TIAM1: variants seen among roughly 807,000 people sequenced by gnomAD.
TIAM1 encodes TIAM Rac1 associated GEF 1.
TIAM1 carries 65 observed loss-of-function variants against 163.5 expected under a neutral mutation model. The observed-to-expected ratio is 0.40, with a 90% confidence interval of 0.33 to 0.49. The LOEUF (loss-of-function observed/expected upper bound fraction) is 0.49. TIAM1 is among the 20% of genes least tolerant of loss of function. The pLI is 0.77. For synonymous variants in TIAM1, 833 were observed against 810.1 expected, an observed-to-expected ratio of 1.03 and a Z score of -0.48; for missense variants, 1,789 against 2,044.7, an observed-to-expected ratio of 0.87 and a Z score of 2.41.
intron 15 of TIAM1, among the ~76,000 whole-genome samples, chr21:31,175,321 A>T (rs535463194): frequency 3.3e-5 from 5 of 152,318 alleles, no homozygotes; most frequent in Middle Eastern, 3.4e-3. Flanking sequence ...CCAACTGGTC[A>T]AGTGGAATTC....
At chr21:31,277,528 C>G (rs2073351337) in intron 2 of TIAM1, among the ~76,000 whole-genome samples, 1 of 152,102 alleles carries the variant, frequency 6.6e-6, no homozygotes, top group Admixed American at 6.6e-5. Context: ...GCTTGTAATC[C>G]CAGATACTCA....
intron 1 of TIAM1, among the ~76,000 whole-genome samples, chr21:31,506,220 C>G (rs1207186178): frequency 6.6e-6 from 1 of 150,562 alleles, no homozygotes; most frequent in African/African-American, 2.5e-5. Context: ...TCTTCCCATC[C>G]CTAATAGCAC....
At chr21:31,299,906 AC>A (rs2074436710) in intron 2 of TIAM1, among the ~76,000 whole-genome samples, 1 of 152,154 alleles carries the variant, frequency 6.6e-6, no homozygotes, top group Non-Finnish European at 1.5e-5. Context: ...GCCTGGAAAA[AC>A]CAAAGGTCGG....
At chr21:31,176,946 GTTC>G (rs760718076) in intron 15 of TIAM1, among the ~76,000 whole-genome samples, 5 of 152,104 alleles carry the variant, frequency 3.3e-5, no homozygotes, top group Non-Finnish European at 5.9e-5. Flanking sequence ...ACAGCATTCA[GTTC>G]TTTCTACTCG....
chr21:31,251,156 AT>A (rs1440960410), intron 5 of TIAM1, among the ~76,000 whole-genome samples: 2 of 151,740 alleles, frequency 1.3e-5, no homozygotes, highest in Non-Finnish European at 2.9e-5. Flanking sequence ...GTCCAAAAAG[AT>A]TTGGTTTTTT....
chr21:31,268,999 G>C (rs551728227), intron 3 of TIAM1, among the ~76,000 whole-genome samples: 3 of 152,104 alleles, frequency 2.0e-5, no homozygotes, highest in African/African-American at 7.2e-5. Flanking sequence ...TTTAAAAGAG[G>C]AAAGAACTAT....
At chr21:31,251,602 G>T in intron 5 of TIAM1, 140 bp downstream of exon 5, 1 of 892,032 alleles carries the variant, frequency 1.1e-6, no homozygotes, top group Non-Finnish European at 1.7e-6. Flanking sequence ...CTCTTACTAT[G>T]ATAAATGTTT....
intron 15 of TIAM1, among the ~76,000 whole-genome samples, chr21:31,166,620 T>G (rs1430894194): frequency 6.6e-6 from 1 of 152,250 alleles, no homozygotes; most frequent in Non-Finnish European, 1.5e-5. Flanking sequence ...GCTCTGGCTC[T>G]TGGATTTTCT....
chr21:31,353,424 G>A (rs2076266109), intron 2 of TIAM1, among the ~76,000 whole-genome samples: 1 of 152,112 alleles, frequency 6.6e-6, no homozygotes, highest in Non-Finnish European at 1.5e-5. Context: ...TAAAGCCTCA[G>A]TCCCTCATCT....
At chr21:31,521,434 T>C (rs1447613327) in intron 1 of TIAM1, among the ~76,000 whole-genome samples, 1 of 152,166 alleles carries the variant, frequency 6.6e-6, no homozygotes, top group Non-Finnish European at 1.5e-5. Context: ...GTAAACCAGA[T>C]ATACACAATT....
At chr21:31,427,116 C>A (rs1022710610) in intron 2 of TIAM1, among the ~76,000 whole-genome samples, 3 of 151,906 alleles carry the variant, frequency 2.0e-5, no homozygotes, top group African/African-American at 7.3e-5. Context: ...GACAAGATCT[C>A]GCAATATTGC....
In TIAM1 at chr21:31,432,021, T is replaced by C. The variant is rs1258800931; in HGVS notation, c.-369+31962A>G. Among the ~76,000 whole-genome samples the C allele has an allele frequency of 1.3e-5, 2 of 151,902 alleles. 1 individual carries two copies. The highest frequency in any genetic ancestry group is 1.3e-4 in the Admixed American group (2 of 15,252). On this transcript the variant is annotated intron_variant, in intron 2 of 28. Coordinates refer to the TIAM1 transcript ENST00000286827. ...TACATGCCATCTTACAACTAATTCC[T>C]TGATCATATCTTTGTGAAATCTGGA...
At chr21:31,330,475 G>A (rs2075643351) in intron 2 of TIAM1, among the ~76,000 whole-genome samples, 1 of 152,104 alleles carries the variant, frequency 6.6e-6, no homozygotes, top group Non-Finnish European at 1.5e-5. Context: ...GTTTCCCTCT[G>A]TAGCCCAGGC....
intron 1 of TIAM1, among the ~76,000 whole-genome samples, chr21:31,530,073 A>G (rs1294261258): frequency 1.3e-5 from 2 of 152,136 alleles, no homozygotes; most frequent in African/African-American, 2.4e-5. Flanking sequence ...CTCAAGGAGG[A>G]ACTTAACTCC....
chr21:31,472,636 A>G (rs1209982510), intron 1 of TIAM1, among the ~76,000 whole-genome samples: 2 of 152,226 alleles, frequency 1.3e-5, no homozygotes, highest in Admixed American at 6.5e-5. Flanking sequence ...ATTAACAAAG[A>G]GGCCTCTGTG....
At chr21:31,347,661 G>C (rs921333135), upstream of TIAM1, among the ~76,000 whole-genome samples, 1 of 152,198 alleles carries the variant, frequency 6.6e-6, no homozygotes, top group Non-Finnish European at 1.5e-5. Flanking sequence ...AATTTCTCAA[G>C]ATCGGGATGA....
In TIAM1 at chr21:31,325,382, A is replaced by G. The variant is rs1473222782; in HGVS notation, c.-189+13861T>C. 2.0e-5 allele frequency among the ~76,000 whole-genome samples: 3 copies of G among 150,400 alleles called. No individual in the cohort carries two copies. The East Asian group carries it at 6.0e-4, about 30-fold the overall frequency. ...GAGTATGTTTTTAGAATTTACTCAG[A>G]AGGGGCCAGGTGCAGTGGCTCATGC... On this transcript the variant is annotated intron_variant, in intron 2 of 27. Coordinates refer to ENST00000541036, the MANE Select transcript of TIAM1 (RefSeq NM_001353694.2).
At chr21:31,516,540 A>C (rs1003921541) in intron 1 of TIAM1, among the ~76,000 whole-genome samples, 1 of 152,202 alleles carries the variant, frequency 6.6e-6, no homozygotes, top group African/African-American at 2.4e-5. Context: ...CCTAAGGAAG[A>C]GAATTCTCTA....
intron 2 of TIAM1, among the ~76,000 whole-genome samples, chr21:31,295,158 A>C (rs1369005943): frequency 1.3e-5 from 2 of 152,194 alleles, no homozygotes; most frequent in African/African-American, 4.8e-5. Flanking sequence ...TAGGACAAGG[A>C]AGGTTTAAGA....
Sources: gnomAD v4.1 joint callset for allele counts (sites outside exome capture counted in the v4.1 genomes callset) on GRCh38, gnomAD v4.1.1 for gene constraint, MANE v1.5 for transcripts, NCBI Gene and HGNC (gene_info 2026-07-23, HGNC 2026-07-21) for gene names.